Variants in FLYWCH1 observed in about 807,000 individuals in gnomAD.
The protein encoded by FLYWCH1 is FLYWCH-type zinc finger-containing protein 1.
In FLYWCH1, 75 loss-of-function variants were observed where a neutral mutation model predicts 66.4. The observed-to-expected ratio is 1.13, with a 90% CI of 0.94 to 1.37. The LOEUF (loss-of-function observed/expected upper bound fraction) is 1.37, where lower values mean the gene tolerates loss of function less well. Ranked by LOEUF, FLYWCH1 falls within the 40% of genes most tolerant of loss-of-function variation. FLYWCH1 has a pLI of 0.00. For synonymous variants in FLYWCH1, 595 were observed against 429.9 expected, an observed-to-expected ratio of 1.38 and a Z score of -4.75; for missense variants, 1,334 against 1,001.8, an observed-to-expected ratio of 1.33 and a Z score of -4.48.
At chr16:2,921,195 T>C (rs1171825549) in intron 2 of FLYWCH1, among the ~76,000 whole-genome samples, 1 of 152,194 alleles carries the variant, frequency 6.6e-6, no homozygotes, top group Non-Finnish European at 1.5e-5. Context: ...TACCATATGA[T>C]TTCTCCATCT....
At chr16:2,941,995 CAAAAAAA>C (rs748281347) in intron 9 of FLYWCH1, among the ~76,000 whole-genome samples, 5 of 33,592 alleles carry the variant, frequency 1.5e-4, no homozygotes, top group Admixed American at 4.3e-4. Flanking sequence ...AGACTCATCT[CAAAAAAA>C]AAAAAAAAAA....
intron 2 of FLYWCH1, among the ~76,000 whole-genome samples, chr16:2,920,784 GCCCACCTTGGCCTC>G (rs2070343459): frequency 6.7e-6 from 1 of 148,640 alleles, no homozygotes; most frequent in East Asian, 2.0e-4. Context: ...CAGGTGATCT[GCCCACCTTGGCCTC>G]CCGAAGTGCT....
At chr16:2,925,799 C>T (rs1159554677) in intron 2 of FLYWCH1, among the ~76,000 whole-genome samples, 1 of 152,080 alleles carries the variant, frequency 6.6e-6, no homozygotes, top group Non-Finnish European at 1.5e-5. Context: ...TCCTGGGGAC[C>T]GGGCCTTAAT....
Position 2,930,555 on chromosome 16 carries a change from C to T in FLYWCH1, c.471C>T (p.Gly157=), listed in dbSNP as rs1348512275. The T allele has an allele frequency of 9.0e-6, 14 of 1,551,738 alleles. 1 individual carries two copies. In the East Asian group the frequency reaches 2.2e-4, roughly 24 times the overall value. Residue 157 remains glycine (G), a synonymous_variant, in exon 4 of 10, where the codon GGC becomes GGT. Coordinates refer to ENST00000253928, the MANE Select transcript of FLYWCH1 (RefSeq NM_001308068.2). ...CRQHAELGCR[G]RAITRGLRAT... ...AACATGCTGAGCTGGGCTGCCGGGG[C>T]CGGGCCATCACCCGAGGCCTGCGGG...
chr16:2,913,935 C>T (rs927455772), intron 1 of FLYWCH1, among the ~76,000 whole-genome samples: 9 of 152,062 alleles, frequency 5.9e-5, no homozygotes, highest in Non-Finnish European at 1.2e-4. Flanking sequence ...GTCTCGAACT[C>T]CTGGGCTCAA....
intron 2 of FLYWCH1, among the ~76,000 whole-genome samples, chr16:2,921,351 CT>C (rs34365244): frequency 0.73 from 100,141 of 137,748 alleles, 36,691 homozygotes; most frequent in Non-Finnish European, 0.77. Flanking sequence ...AATTTTAGGA[CT>C]TTTTTTTTTT....
At chr16:2,915,704 C>A (rs1214471640) in intron 2 of FLYWCH1, among the ~76,000 whole-genome samples, 1 of 150,972 alleles carries the variant, frequency 6.6e-6, no homozygotes, top group Non-Finnish European at 1.5e-5. Flanking sequence ...GGCAGAGGCA[C>A]CAGAATGGCT....
rs1188136354 is a variant in FLYWCH1, at chr16:2,912,156, T to A, written c.-188+2T>A. On this transcript the variant is annotated splice_donor_variant, in intron 1 of 9. Transcript: ENST00000253928. LOFTEE classifies it low-confidence loss of function (5UTR_SPLICE). ...AGAGGGAGGGCCCCGCTGCCGTCGG[T>A]GAGGACAGGCCCCTGCGGGCGGGGA... is the stretch of plus-strand genomic sequence containing the variant. 1.3e-5 allele frequency: 2 copies of A among 152,150 alleles called. No individual in the cohort carries two copies. Among genetic ancestry groups the A allele is most frequent in the East Asian group, 1.9e-4 (1 of 5,190 alleles). 9.4% of individuals were successfully genotyped at this position (152,150 alleles called of 1,614,324 possible). A position where few individuals can be genotyped will look rare whatever the true frequency, so the allele number is the denominator to read the frequency against.
At position 2,911,941 on chromosome 16, in the gene FLYWCH1, G is replaced by C. The variant is rs1161254609; in HGVS notation, c.-401G>C. On this transcript the variant is annotated 5_prime_UTR_variant, in exon 1 of 10. Coordinates refer to ENST00000253928, the MANE Select transcript of FLYWCH1 (RefSeq NM_001308068.2). ...TGCTGCGCATGCTCTGAAGTAGCGC[G>C]CCTGAGCGTTCCGCAAGGCCGGCTC... The C allele has an allele frequency of 6.6e-6, 1 of 152,176 alleles. No homozygotes were observed. The highest frequency in any genetic ancestry group is 1.5e-5 in the Non-Finnish European group (1 of 68,042). 9.4% of individuals were successfully genotyped at this position (152,176 alleles called of 1,614,324 possible). A position where few individuals can be genotyped will look rare whatever the true frequency, so the allele number is the denominator to read the frequency against.
Position 2,930,837 on chromosome 16 carries a change from A to G in FLYWCH1, c.753A>G (p.Ser251=), listed in dbSNP as rs942321112. The change falls in exon 4 of 10, where the codon TCA becomes TCG. Residue 251 remains serine (S), a synonymous_variant. Transcript: ENST00000253928. The stretch of plus-strand genomic sequence containing the variant: ...AGGAGGAGGCACCCCGAGCCCTGTC[A>G]CTGCTGAGCCTGCCGCCCAAGAAGC... The part of the protein sequence containing the change: ...LEEEEAPRAL[S]LLSLPPKKRS... 35 of 1,602,594 alleles carry G rather than the reference A, an allele frequency of 2.2e-5. No individual in the cohort carries two copies. Among genetic ancestry groups the G allele is most frequent in the Non-Finnish European group, 2.9e-5 (34 of 1,177,954 alleles).
In FLYWCH1 at chr16:2,948,742, A is replaced by G. The variant is rs2071587257; in HGVS notation, c.*15A>G. The G allele has an allele frequency of 3.1e-6, 5 of 1,613,652 alleles. No homozygotes were observed. Among genetic ancestry groups the G allele is most frequent in the Middle Eastern group, 3.3e-4 (2 of 6,030 alleles). On this transcript the variant is annotated 3_prime_UTR_variant, in exon 10 of 10. Transcript: ENST00000253928. ...AGTCCCAGTGAGGCGATGTGGGCAG[A>G]GGAGCTCCGAGCCGCCCACCCAAGG...
chr16:2,929,844 T>G lies in FLYWCH1; in HGVS notation c.159T>G (p.Asp53Glu). The G allele has an allele frequency of 1.2e-6, 2 of 1,613,932 alleles. No individual in the cohort carries two copies. The highest frequency in any genetic ancestry group is 1.7e-6 in the Non-Finnish European group (2 of 1,179,870). The change falls in exon 3 of 10, where the codon GAT (aspartate) becomes GAG (glutamate). Residue 53 changes from aspartate to glutamate, a missense_variant. Asp to Glu is a conservative substitution (Grantham distance 45). Coordinates refer to ENST00000253928, the MANE Select transcript of FLYWCH1 (RefSeq NM_001308068.2). ...TCACAGCCTCCGACCAAGATGAGGA[T>G]GGGGTGGGATCCAAGCCCCAGGAAG... ...VLLTASDQDE[D>E]GVGSKPQEVH...
At chr16:2,936,209 C>G (rs2070992207) in intron 6 of FLYWCH1, 2 of 350,910 alleles carry the variant, frequency 5.7e-6, no homozygotes, top group African/African-American at 2.1e-5. Flanking sequence ...CCGTGCGCAG[C>G]CCCTTGCTGG....
At position 2,933,513 on chromosome 16, in the gene FLYWCH1, G is replaced by A. The variant is rs1161601381; in HGVS notation, c.1180G>A (p.Val394Ile). The change falls in exon 5 of 10, where the codon GTC (valine) becomes ATC (isoleucine). Residue 394 changes from valine (V) to isoleucine (I), a missense_variant. Physicochemically the swap from Val to Ile is conservative, Grantham distance 29. Transcript: ENST00000253928. ...TRPRPRKRAK[V>I]EDQELPTQPE... is the part of the protein sequence containing the mutation. ...GCCTCGGCCCAGAAAGCGAGCAAAGGTCGAAGACCAGGAGCTGCCAACCCA... is the reference window on the plus strand; with the variant it reads ...GCCTCGGCCCAGAAAGCGAGCAAAGATCGAAGACCAGGAGCTGCCAACCCA... 6 of 1,612,074 alleles carry A rather than the reference G, an allele frequency of 3.7e-6. No individual in the cohort carries two copies. The highest frequency in any genetic ancestry group is 2.2e-5 in the East Asian group (1 of 44,842).
At chr16:2,919,097 G>T (rs2070276646) in intron 2 of FLYWCH1, among the ~76,000 whole-genome samples, 2 of 151,630 alleles carry the variant, frequency 1.3e-5, no homozygotes, top group Non-Finnish European at 2.9e-5. Flanking sequence ...CACCACTCCT[G>T]ATTAATCTTT....
intron 6 of FLYWCH1, chr16:2,934,619 T>TG (rs758888931): frequency 2.0e-5 from 9 of 456,882 alleles, no homozygotes; most frequent in South Asian, 1.4e-4. Context: ...CCCAAGGCGC[T>TG]GGCCTCTCTT....
At chr16:2,916,184 T>C in intron 2 of FLYWCH1, among the ~76,000 whole-genome samples, 1 of 152,070 alleles carries the variant, frequency 6.6e-6, no homozygotes, top group Non-Finnish European at 1.5e-5. Flanking sequence ...TCATCTCTAC[T>C]AAAAACAAAA....
chr16:2,933,822 C>G lies in FLYWCH1; in HGVS notation c.1356C>G (p.Cys452Trp), dbSNP rs746828171. Reference sequence around the variant, plus strand: ...CTGGGGAGAAGGTGTATTGGACCTGCCGGGACCAGGCCCGCATGGGCTGCC... The same window carrying G: ...CTGGGGAGAAGGTGTATTGGACCTGGCGGGACCAGGCCCGCATGGGCTGCC... ...KAAGEKVYWT[C>W]RDQARMGCRS... Residue 452 changes from cysteine to tryptophan, a missense_variant, in exon 6 of 10, where the codon TGC becomes TGG. By Grantham distance (215) the Cys-to-Trp change is radical (BLOSUM62 -2). Coordinates refer to ENST00000253928, the MANE Select transcript of FLYWCH1 (RefSeq NM_001308068.2). The G allele has an allele frequency of 4.4e-6, 7 of 1,608,914 alleles. No homozygotes were observed. Among genetic ancestry groups the G allele is most frequent in the Non-Finnish European group, 5.1e-6 (6 of 1,178,178 alleles).
In FLYWCH1 at chr16:2,929,863, C is replaced by T. The variant is rs976586872; in HGVS notation, c.178C>T (p.Gln60Ter). 1 of 1,613,808 alleles carries T rather than the reference C, an allele frequency of 6.2e-7. No individual in the cohort carries two copies. The highest frequency in any genetic ancestry group is 8.5e-7 in the Non-Finnish European group (1 of 1,179,880). The change falls in exon 3 of 10, where the codon CAG becomes TAG. Residue 60 changes from glutamine (Q) to a stop codon, truncating the protein, a stop_gained. Coordinates refer to ENST00000253928, the MANE Select transcript of FLYWCH1 (RefSeq NM_001308068.2). LOFTEE classifies it high-confidence loss of function. ...QDEDGVGSKP[Q>*]EVHCVLSLEM... ...TGAGGATGGGGTGGGATCCAAGCCC[C>T]AGGAAGTGCACTGCGTCCTGTCCCT...
Sources: allele counts gnomAD v4.1 joint callset (sites outside exome capture counted in the v4.1 genomes callset), GRCh38; gene constraint gnomAD v4.1.1; transcripts MANE v1.5; gene names NCBI Gene and HGNC (gene_info 2026-07-23, HGNC 2026-07-21).